The following FBN1 variants were observed in gnomAD, a reference collection of about 807,000 sequenced individuals.
FBN1 encodes the protein fibrillin-1.
FBN1 carries 29 observed loss-of-function variants against 365.1 expected under a neutral mutation model. The ratio of observed to expected loss-of-function variants is 0.08; its 90% CI spans 0.06 to 0.11. The LOEUF (loss-of-function observed/expected upper bound fraction) is 0.11, where lower values mean the gene tolerates loss of function less well. Among genes scored for constraint, FBN1 ranks in the 10% least tolerant of loss-of-function variants. The probability of loss-of-function intolerance (pLI) is 1.00; values close to 1 mark genes in which losing one functional copy is unlikely to be tolerated. For missense variants in FBN1, 2,476 were observed against 3,703.2 expected (o/e 0.67, Z 8.60); for synonymous variants, 1,210 against 1,270.5 (o/e 0.95, Z 1.01).
chr15:48,500,263 G>T (rs990576567), intron 17 of FBN1, among the ~76,000 whole-genome samples: 1 of 151,782 alleles, frequency 6.6e-6, no homozygotes, highest in Non-Finnish European at 1.5e-5. Context: ...TTTATAAAAA[G>T]GACTTTTAGA....
intron 6 of FBN1, among the ~76,000 whole-genome samples, chr15:48,563,044 A>G (rs1028616930): frequency 1.2e-4 from 18 of 152,206 alleles, no homozygotes; most frequent in Admixed American, 1.2e-3. Context: ...CAATAGATAC[A>G]TGAGAGACAG....
intron 64 of FBN1, 52 bp from the exon 65 acceptor site, chr15:48,412,795 T>C: frequency 6.2e-7 from 1 of 1,604,826 alleles, no homozygotes; most frequent in East Asian, 2.2e-5. Flanking sequence ...GAAGACAAGG[T>C]AGGTGGTACA....
At chr15:48,446,929 G>T in intron 46 of FBN1, 107 bp from the exon 47 acceptor site, 1 of 739,806 alleles carries the variant, frequency 1.4e-6, no homozygotes, top group Non-Finnish European at 2.4e-6. Context: ...CTCATCCATA[G>T]GCTGAGAACT....
chr15:48,590,027 T>C (rs896017081), intron 6 of FBN1, among the ~76,000 whole-genome samples: 25 of 152,208 alleles, frequency 1.6e-4, no homozygotes, highest in Non-Finnish European at 1.5e-4. Context: ...GAAGAAAATA[T>C]ACATAGTTCA....
chr15:48,494,119 T>C, intron 23 of FBN1, 85 bp downstream of exon 23: 1 of 1,064,124 alleles, frequency 9.4e-7, no homozygotes, highest in South Asian at 1.3e-5. Context: ...CCTGTGAAGT[T>C]ATATGACAGC....
intron 6 of FBN1, among the ~76,000 whole-genome samples, chr15:48,586,618 A>G (rs1319127855): frequency 6.6e-6 from 1 of 152,208 alleles, no homozygotes. Flanking sequence ...TCTTTAAAGT[A>G]TTTGAGAACC....
intron 7 of FBN1, 65 bp from the exon 8 acceptor site, chr15:48,534,270 A>C: frequency 6.6e-7 from 1 of 1,524,438 alleles, no homozygotes; most frequent in Non-Finnish European, 9.0e-7. Context: ...GCAGAATAAA[A>C]TGTGATAATT....
chr15:48,527,443 G>C (rs1220288893), intron 8 of FBN1, among the ~76,000 whole-genome samples: 1 of 152,200 alleles, frequency 6.6e-6, no homozygotes, highest in Admixed American at 6.5e-5. Context: ...TCCTCTCTGA[G>C]ACCAGCAGAG....
At chr15:48,481,214 G>A (rs2043462052) in intron 32 of FBN1, among the ~76,000 whole-genome samples, 1 of 152,162 alleles carries the variant, frequency 6.6e-6, no homozygotes, top group Non-Finnish European at 1.5e-5. Flanking sequence ...AGACTAGTGA[G>A]AATTGATGAA....
At chr15:48,452,713 G>A (rs751870050) in intron 44 of FBN1, 29 bp from the exon 45 acceptor site, 1 of 1,564,942 alleles carries the variant, frequency 6.4e-7, no homozygotes, top group Admixed American at 1.8e-5. Context: ...TGAATTTGAA[G>A]GAGAACAGAA....
At chr15:48,568,880 A>G (rs918374152) in intron 6 of FBN1, among the ~76,000 whole-genome samples, 1 of 152,152 alleles carries the variant, frequency 6.6e-6, no homozygotes, top group African/African-American at 2.4e-5. Context: ...AGCTAAAACT[A>G]TGCAACTTCT....
intron 55 of FBN1, 23 bp downstream of exon 55, chr15:48,432,843 T>C (rs371143316): frequency 2.2e-5 from 35 of 1,613,134 alleles, no homozygotes; most frequent in African/African-American, 1.5e-4. Flanking sequence ...CTGGCTTAGA[T>C]GACCTTGAAC....
intron 2 of FBN1, chr15:48,640,992 C>T (rs931382820): frequency 2.0e-5 from 3 of 151,598 alleles, no homozygotes; most frequent in Admixed American, 6.6e-5. Context: ...AAACAAATAG[C>T]GTTATGATTT....
rs377672823 is a variant in FBN1, at chr15:48,610,844, G to C, written c.248-18C>G. On this transcript the variant is annotated intron_variant, in intron 3 of 65. Transcript: ENST00000316623. ...GCAAATGGCTGTGAATAAACCAGAG[G>C]TCTGTTAGCACATGGATTTGGAACA... 7 of 1,602,836 alleles carry C rather than the reference G, an allele frequency of 4.4e-6. No homozygotes were observed. In the African/African-American group the frequency reaches 9.4e-5, roughly 21 times the overall value.
intron 17 of FBN1, among the ~76,000 whole-genome samples, chr15:48,502,415 T>G (rs772430047): frequency 1.1e-4 from 17 of 152,208 alleles, no homozygotes; most frequent in Non-Finnish European, 2.2e-4. Flanking sequence ...TTTCCAACTG[T>G]TACTTTCAAA....
In FBN1 at chr15:48,583,199, A is replaced by G. The variant is rs373580048; in HGVS notation, c.538+13084T>C. The stretch of plus-strand genomic sequence containing the variant: ...CATAGTGCCTGAGAAATACTCATGC[A>G]TGATAGATAAACTCACACCTCCTCT... On this transcript the variant is annotated intron_variant, in intron 6 of 65. Coordinates refer to ENST00000316623, the MANE Select transcript of FBN1 (RefSeq NM_000138.5). 3.6e-4 allele frequency among the ~76,000 whole-genome samples: 55 copies of G among 152,376 alleles called. No individual in the cohort carries two copies. In the East Asian group the frequency reaches 0.01, roughly 29 times the overall value.
intron 2 of FBN1, among the ~76,000 whole-genome samples, chr15:48,633,439 A>T (rs1217764653): frequency 6.6e-6 from 1 of 152,196 alleles, no homozygotes; most frequent in African/African-American, 2.4e-5. Flanking sequence ...ACTGCCAATT[A>T]GAAGTGTGAG....
intron 6 of FBN1, among the ~76,000 whole-genome samples, chr15:48,556,645 T>C (rs2044183169): frequency 6.6e-6 from 1 of 152,166 alleles, no homozygotes. Flanking sequence ...TGGCAGCTAC[T>C]CCTCATAGTG....
At chr15:48,597,069 G>A (rs1022054417) in intron 5 of FBN1, among the ~76,000 whole-genome samples, 2 of 152,180 alleles carry the variant, frequency 1.3e-5, no homozygotes, top group African/African-American at 4.8e-5. Flanking sequence ...ATGCGTGGCA[G>A]GCTCTTCTCT....
Sources: gnomAD v4.1 joint callset for allele counts (sites outside exome capture counted in the v4.1 genomes callset) on GRCh38, gnomAD v4.1.1 for gene constraint, MANE v1.5 for transcripts, NCBI Gene and HGNC (gene_info 2026-07-23, HGNC 2026-07-21) for gene names.